Variants in BRINP3 observed in about 807,000 individuals in gnomAD.
BRINP3 encodes BMP/retinoic acid-inducible neural-specific protein 3.
Under a neutral mutation model 71.0 loss-of-function variants are expected in BRINP3, and 19 were observed. The ratio of observed to expected loss-of-function variants is 0.27; its 90% CI spans 0.19 to 0.39. The LOEUF (loss-of-function observed/expected upper bound fraction) is 0.39. Ranked by LOEUF, BRINP3 falls within the 10% of genes least tolerant of loss-of-function variation. BRINP3 has a pLI of 1.00. For missense variants in BRINP3, 959 were observed against 940.8 expected, an observed-to-expected ratio of 1.02 and a Z score of -0.25; for synonymous variants, 380 against 337.7, an observed-to-expected ratio of 1.13 and a Z score of -1.37.
chr1:190,207,097 A>C (rs892375828), intron 6 of BRINP3, among the ~76,000 whole-genome samples: 2 of 151,646 alleles, frequency 1.3e-5, no homozygotes, highest in Non-Finnish European at 2.9e-5. Flanking sequence ...CAACTTTGTG[A>C]TACACTGAGC....
intron 2 of BRINP3, among the ~76,000 whole-genome samples, chr1:190,300,907 A>G (rs1259854801): frequency 6.6e-6 from 1 of 151,970 alleles, no homozygotes; most frequent in Non-Finnish European, 1.5e-5. Context: ...CTCACCAGCA[A>G]CGAAACAAAG....
intron 7 of BRINP3, among the ~76,000 whole-genome samples, chr1:190,148,384 G>A (rs998465143): frequency 2.0e-5 from 3 of 151,806 alleles, no homozygotes; most frequent in African/African-American, 4.8e-5. Context: ...AAGAGGTCAG[G>A]AGATCGAAAC....
intron 4 of BRINP3, among the ~76,000 whole-genome samples, chr1:190,237,073 A>G (rs1266042831): frequency 2.0e-5 from 3 of 151,932 alleles, no homozygotes; most frequent in African/African-American, 7.2e-5. Flanking sequence ...TTGTCAATTC[A>G]TGTAAGAAAA....
At chr1:190,193,819 C>A (rs1280993610) in intron 6 of BRINP3, among the ~76,000 whole-genome samples, 2 of 152,050 alleles carry the variant, frequency 1.3e-5, no homozygotes, top group Non-Finnish European at 2.9e-5. Flanking sequence ...GGCCAGGGAG[C>A]CATCTCTTTA....
At chr1:190,155,985 T>C (rs554143587) in intron 7 of BRINP3, among the ~76,000 whole-genome samples, 65 of 152,234 alleles carry the variant, frequency 4.3e-4, no homozygotes, top group Admixed American at 2.2e-3. Context: ...GTAATCACTA[T>C]CTTGTGATGA....
At chr1:190,130,234 CT>C (rs1654427346) in intron 7 of BRINP3, among the ~76,000 whole-genome samples, 1 of 151,988 alleles carries the variant, frequency 6.6e-6, no homozygotes, top group African/African-American at 2.4e-5. Flanking sequence ...AAAAACTCCT[CT>C]GTTTCTTGTG....
At chr1:190,139,559 TA>T (rs1655261510) in intron 7 of BRINP3, among the ~76,000 whole-genome samples, 1 of 152,120 alleles carries the variant, frequency 6.6e-6, no homozygotes, top group Non-Finnish European at 1.5e-5. Context: ...ATTATTTTAT[TA>T]ATTTTTATGT....
intron 4 of BRINP3, among the ~76,000 whole-genome samples, chr1:190,262,219 G>T (rs562673927): frequency 6.6e-6 from 1 of 152,044 alleles, no homozygotes; most frequent in African/African-American, 2.4e-5. Flanking sequence ...GCCCTTCCCT[G>T]GAACCTTCAT....
At chr1:190,287,918 AGCTTAATAGGGTTTTAT>A (rs1294721347) in intron 2 of BRINP3, among the ~76,000 whole-genome samples, 1 of 152,122 alleles carries the variant, frequency 6.6e-6, no homozygotes, top group Non-Finnish European at 1.5e-5. Flanking sequence ...TCACTTTCAT[AGCTTAATAGGGTTTTAT>A]GCAAACTAAG....
chr1:190,302,430 TA>T, intron 2 of BRINP3, among the ~76,000 whole-genome samples: 1 of 151,548 alleles, frequency 6.6e-6, no homozygotes, highest in South Asian at 2.1e-4. Flanking sequence ...TAGTTAATAG[TA>T]AATACAATAA....
chr1:190,457,390 G>A (rs990913432), intron 1 of BRINP3, among the ~76,000 whole-genome samples: 3 of 152,092 alleles, frequency 2.0e-5, no homozygotes, highest in Non-Finnish European at 4.4e-5. Flanking sequence ...GTTGCGGTGA[G>A]CTTAGATGAC....
intron 7 of BRINP3, among the ~76,000 whole-genome samples, chr1:190,100,430 T>C (rs1375232350): frequency 6.6e-6 from 1 of 152,164 alleles, no homozygotes. Flanking sequence ...GTATGTTTTC[T>C]TTCATAGCTA....
chr1:190,254,958 T>C (rs987150639), intron 4 of BRINP3, among the ~76,000 whole-genome samples: 4 of 152,164 alleles, frequency 2.6e-5, no homozygotes, highest in Non-Finnish European at 5.9e-5. Flanking sequence ...AATACCCAGT[T>C]TATTGAGAGT....
chr1:190,263,815 C>T (rs1046530794), intron 4 of BRINP3, among the ~76,000 whole-genome samples: 7 of 151,900 alleles, frequency 4.6e-5, no homozygotes, highest in Middle Eastern at 3.4e-3. Context: ...CTCGATCTCC[C>T]GACCTCAAGT....
chr1:190,159,956 T>C (rs1017289334), intron 7 of BRINP3, among the ~76,000 whole-genome samples: 3 of 152,048 alleles, frequency 2.0e-5, no homozygotes, highest in Non-Finnish European at 4.4e-5. Flanking sequence ...AAGCACCAAG[T>C]CAAAATTCAA....
At chr1:190,129,432 T>G (rs1381367275) in intron 7 of BRINP3, among the ~76,000 whole-genome samples, 1 of 151,924 alleles carries the variant, frequency 6.6e-6, no homozygotes, top group Admixed American at 6.6e-5. Flanking sequence ...AATTTCAGTT[T>G]GTAGTGTTAT....
At chr1:190,342,182 T>C (rs184409772) in intron 2 of BRINP3, among the ~76,000 whole-genome samples, 2 of 151,812 alleles carry the variant, frequency 1.3e-5, no homozygotes, top group Admixed American at 1.3e-4. Flanking sequence ...TGTGATTATG[T>C]CTGGGTCACC....
chr1:190,200,795 C>A (rs1654934550), intron 6 of BRINP3, among the ~76,000 whole-genome samples: 1 of 152,044 alleles, frequency 6.6e-6, no homozygotes, highest in South Asian at 2.1e-4. Flanking sequence ...AGTATCTCAG[C>A]ACAAGCTCTT....
At chr1:190,362,533 T>C (rs1194540863) in intron 2 of BRINP3, among the ~76,000 whole-genome samples, 1 of 152,170 alleles carries the variant, frequency 6.6e-6, no homozygotes, top group African/African-American at 2.4e-5. Context: ...ATATCTGTGA[T>C]AGGCAAAATT....
Sources: gnomAD v4.1 joint callset for allele counts (sites outside exome capture counted in the v4.1 genomes callset) on GRCh38, gnomAD v4.1.1 for gene constraint, MANE v1.5 for transcripts, NCBI Gene and HGNC (gene_info 2026-07-23, HGNC 2026-07-21) for gene names.